The following LRRC7 variants were observed in gnomAD, a reference collection of about 807,000 sequenced individuals.
LRRC7 encodes leucine rich repeat containing 7.
In LRRC7, 23 loss-of-function variants were observed where a neutral mutation model predicts 175.7. The ratio of observed to expected loss-of-function variants is 0.13; its 90% CI spans 0.09 to 0.19. The LOEUF is 0.19. Among genes scored for constraint, LRRC7 ranks in the 10% least tolerant of loss-of-function variants. The pLI, the probability that LRRC7 is intolerant of heterozygous loss-of-function variation, is 1.00. For synonymous variants in LRRC7, 685 were observed against 680.9 expected (o/e 1.01, Z -0.09); for missense variants, 1,354 against 1,904.7 (o/e 0.71, Z 5.38).
chr1:69,653,895 G>C (rs1319001823), intron 1 of LRRC7, among the ~76,000 whole-genome samples: 1 of 151,968 alleles, frequency 6.6e-6, no homozygotes, highest in South Asian at 2.1e-4. Context: ...ACTTATGTGA[G>C]GTATCTAAAT....
intron 7 of LRRC7, among the ~76,000 whole-genome samples, chr1:69,858,778 T>C (rs1684015325): frequency 6.6e-6 from 1 of 152,148 alleles, no homozygotes; most frequent in African/African-American, 2.4e-5. Flanking sequence ...GTGCTTGTGC[T>C]CATTTTGCAT....
chr1:69,805,384 A>T (rs1676995467), intron 4 of LRRC7, among the ~76,000 whole-genome samples: 1 of 151,824 alleles, frequency 6.6e-6, no homozygotes, highest in Non-Finnish European at 1.5e-5. Context: ...TTATAAATTC[A>T]TAAAGGGGTC....
chr1:69,924,800 A>C (rs904227230), intron 7 of LRRC7, among the ~76,000 whole-genome samples: 18 of 152,020 alleles, frequency 1.2e-4, no homozygotes, highest in African/African-American at 2.9e-4. Flanking sequence ...TTTCTTTCTC[A>C]TGCCTGATTG....
chr1:69,943,474 T>A (rs549616696), intron 8 of LRRC7, among the ~76,000 whole-genome samples: 37 of 152,026 alleles, frequency 2.4e-4, no homozygotes, highest in Non-Finnish European at 4.1e-4. Flanking sequence ...TGGGTATGGG[T>A]TTTTTGAGAA....
At chr1:69,580,382 A>AT (rs1646145907) in intron 1 of LRRC7, among the ~76,000 whole-genome samples, 1 of 152,302 alleles carries the variant, frequency 6.6e-6, no homozygotes, top group Middle Eastern at 3.4e-3. Context: ...TATTTAAAAG[A>AT]TAAAAACATC....
rs193207205 is a variant in LRRC7 at position 69,825,167 on chromosome 1, T to A, written c.422-581T>A. Among the ~76,000 whole-genome samples, 127 of 152,236 alleles carry A rather than the reference T, an allele frequency of 8.3e-4. 2 individuals are homozygous for A. The highest frequency in any genetic ancestry group is 2.9e-3 in the African/African-American group (120 of 41,566). ...GGGAGGACCCAAGGAAAACTGCTTG[T>A]CTCTTCACACTTTCAGGCAGATGCA... On this transcript the variant is annotated intron_variant, in intron 4 of 26. Coordinates refer to ENST00000651989, the MANE Select transcript of LRRC7 (RefSeq NM_001370785.2).
At chr1:69,688,645 T>TAA (rs1553140109) in intron 2 of LRRC7, among the ~76,000 whole-genome samples, 2,847 of 148,340 alleles carry the variant, frequency 0.019, 89 homozygotes, top group African/African-American at 0.063. Flanking sequence ...TTTTTTTTTT[T>TAA]AAAAAAAACC....
intron 7 of LRRC7, among the ~76,000 whole-genome samples, chr1:69,908,080 T>G (rs1646383961): frequency 6.6e-6 from 1 of 152,236 alleles, no homozygotes; most frequent in South Asian, 2.1e-4. Context: ...TGATGGTAAT[T>G]TGTATTTCTG....
intron 1 of LRRC7, among the ~76,000 whole-genome samples, chr1:69,624,565 C>T (rs1460940407): frequency 6.6e-6 from 1 of 151,804 alleles, no homozygotes. Context: ...TTGTATCCTG[C>T]TTAAGAAATA....
chr1:69,590,515 G>T (rs1646588391), intron 1 of LRRC7, among the ~76,000 whole-genome samples: 1 of 152,110 alleles, frequency 6.6e-6, no homozygotes, highest in Admixed American at 6.6e-5. Flanking sequence ...TGCTAAGTAA[G>T]ACCTACTGTA....
At chr1:69,865,581 C>G (rs1276119812) in intron 7 of LRRC7, among the ~76,000 whole-genome samples, 2 of 142,906 alleles carry the variant, frequency 1.4e-5, no homozygotes, top group Non-Finnish European at 3.0e-5. Context: ...CCCGGGTTCA[C>G]GCCATTCTCC....
intron 1 of LRRC7, among the ~76,000 whole-genome samples, chr1:69,597,667 T>A (rs1404370673): frequency 6.6e-6 from 1 of 152,080 alleles, no homozygotes; most frequent in African/African-American, 2.4e-5. Context: ...ACTCAAAAAA[T>A]TTATTGATTT....
chr1:69,848,640 T>G (rs1335264279), intron 7 of LRRC7, among the ~76,000 whole-genome samples: 1 of 152,094 alleles, frequency 6.6e-6, no homozygotes, highest in Non-Finnish European at 1.5e-5. Context: ...TTTTCTGCTT[T>G]CTTCAGGTCT....
chr1:69,725,157 T>TA (rs1341705788), intron 2 of LRRC7, among the ~76,000 whole-genome samples: 2 of 152,262 alleles, frequency 1.3e-5, no homozygotes, highest in East Asian at 3.9e-4. Flanking sequence ...CAATGTTATT[T>TA]AAAAAATCGT....
At chr1:69,648,758 C>T (rs561141873) in intron 1 of LRRC7, among the ~76,000 whole-genome samples, 4 of 152,304 alleles carry the variant, frequency 2.6e-5, no homozygotes, top group South Asian at 2.1e-4. Context: ...GCTCCTCCAC[C>T]TCCTGTGTAA....
At chr1:69,774,607 A>G (rs1406355734) in intron 3 of LRRC7, among the ~76,000 whole-genome samples, 4 of 152,192 alleles carry the variant, frequency 2.6e-5, no homozygotes, top group Non-Finnish European at 4.4e-5. Context: ...CCTTTTTGCT[A>G]TCTATGTGTA....
intron 21 of LRRC7, among the ~76,000 whole-genome samples, chr1:70,041,191 A>G (rs2102034769): frequency 6.6e-6 from 1 of 152,344 alleles, no homozygotes; most frequent in East Asian, 1.9e-4. Context: ...TCCTGCTAAA[A>G]GCACAGGTCA....
intron 3 of LRRC7, among the ~76,000 whole-genome samples, chr1:69,775,340 C>T (rs1201360424): frequency 6.6e-6 from 1 of 152,114 alleles, no homozygotes; most frequent in African/African-American, 2.4e-5. Flanking sequence ...TCATTTCCAG[C>T]TTATTAGTAT....
At position 69,884,592 on chromosome 1, in the gene LRRC7, T is replaced by C. The variant is rs985797864; in HGVS notation, c.647+46309T>C. ...ACAATTTGACTTCCTCTTTTCCTAA[T>C]TGAATAGCCTTTATTTCCTTCTCCT... On this transcript the variant is annotated intron_variant, in intron 7 of 26. Coordinates refer to ENST00000651989, the MANE Select transcript of LRRC7 (RefSeq NM_001370785.2). Among the ~76,000 whole-genome samples, 7 of 138,310 alleles carry C rather than the reference T, an allele frequency of 5.1e-5. 2 individuals carry two copies. The highest frequency in any genetic ancestry group is 2.1e-4 in the African/African-American group (7 of 33,238). 90.7% of individuals were successfully genotyped at this position (138,310 alleles called of 152,430 possible).
Sources: allele counts gnomAD v4.1 joint callset (sites outside exome capture counted in the v4.1 genomes callset), GRCh38; gene constraint gnomAD v4.1.1; transcripts MANE v1.5; gene names NCBI Gene and HGNC (gene_info 2026-07-23, HGNC 2026-07-21).